Variants in CREBRF observed in about 807,000 individuals in gnomAD.
CREBRF encodes the protein UPF0474 protein C5orf41.
CREBRF carries 5 observed loss-of-function variants against 66.1 expected under a neutral mutation model. The observed-to-expected ratio is 0.08, with a 90% CI of 0.04 to 0.16. The LOEUF is 0.16. Among genes scored for constraint, CREBRF ranks in the 10% least tolerant of loss-of-function variants. CREBRF has a pLI of 1.00. For synonymous variants in CREBRF, 229 were observed against 264.4 expected (o/e 0.87, Z 1.30); for missense variants, 531 against 744.9 (o/e 0.71, Z 3.34).
intron 8 of CREBRF, among the ~76,000 whole-genome samples, chr5:173,129,012 C>T (rs145002936): frequency 0.061 from 9,312 of 151,422 alleles, 337 homozygotes; most frequent in Middle Eastern, 0.17. Context: ...GATCTCCTGA[C>T]CTCGTGATCC....
chr5:173,110,387 T>TAAGACTTCTGAAACATGCC, intron 5 of CREBRF, 135 bp from the exon 6 acceptor site: 1 of 739,038 alleles, frequency 1.4e-6, no homozygotes, highest in Non-Finnish European at 2.5e-6. Flanking sequence ...TTAAACATGC[T>TAAGACTTCTGAAACATGCC]AAGACTTCTG....
chr5:173,069,408 C>T (rs1757535767), intron 1 of CREBRF, among the ~76,000 whole-genome samples: 1 of 151,942 alleles, frequency 6.6e-6, no homozygotes, highest in Non-Finnish European at 1.5e-5. Flanking sequence ...GCCGCAATCT[C>T]TACCTCCCGG....
At chr5:173,081,642 G>A (rs1290843915) in intron 2 of CREBRF, among the ~76,000 whole-genome samples, 2 of 152,178 alleles carry the variant, frequency 1.3e-5, no homozygotes, top group African/African-American at 4.8e-5. Flanking sequence ...CCAGCGGCCG[G>A]CTAGGCACAG....
intron 1 of CREBRF, among the ~76,000 whole-genome samples, chr5:173,076,777 T>G (rs545219267): frequency 2.1e-4 from 31 of 150,374 alleles, no homozygotes; most frequent in Non-Finnish European, 4.1e-4. Context: ...AAGAGAGTGT[T>G]TAGAACAGTT....
intron 4 of CREBRF, among the ~76,000 whole-genome samples, chr5:173,100,134 T>TAA (rs1581687184): frequency 8.6e-6 from 1 of 116,404 alleles, no homozygotes; most frequent in Admixed American, 8.6e-5. Flanking sequence ...ATATATAATT[T>TAA]TTTTTTTTTT....
intron 1 of CREBRF, among the ~76,000 whole-genome samples, chr5:173,059,307 C>T (rs1292116022): frequency 2.9e-5 from 4 of 138,994 alleles, no homozygotes; most frequent in Non-Finnish European, 6.1e-5. Context: ...CCTTGTCGCC[C>T]AGGCTGGAGT....
chr5:173,126,886 GA>G (rs1045123500), intron 8 of CREBRF, among the ~76,000 whole-genome samples: 1 of 152,114 alleles, frequency 6.6e-6, no homozygotes, highest in Non-Finnish European at 1.5e-5. Flanking sequence ...GGGAAATGAA[GA>G]TTAAAAATCT....
intron 1 of CREBRF, among the ~76,000 whole-genome samples, chr5:173,076,212 A>G (rs1431311542): frequency 2.6e-5 from 4 of 152,280 alleles, no homozygotes; most frequent in Non-Finnish European, 5.9e-5. Context: ...CGTGAGACAG[A>G]GGAAGTTGAG....
rs1184196735 is a variant in CREBRF, at chr5:173,135,704, G to A, written c.*1959G>A. On this transcript the variant is annotated 3_prime_UTR_variant, in exon 9 of 9. Transcript: ENST00000296953. ...TTTGTTACCCCATTTGTAAGCTATA[G>A]CATATGAAGCTATATATATAGCTTG... 6.6e-6 allele frequency: 1 copy of A among 152,062 alleles called. No individual in the cohort carries two copies. Among genetic ancestry groups the A allele is most frequent in the Non-Finnish European group, 1.5e-5 (1 of 67,898 alleles). The allele number at this position is 152,062 out of a possible 1,614,324, so 9.4% of individuals were successfully genotyped here.
intron 4 of CREBRF, among the ~76,000 whole-genome samples, chr5:173,102,071 G>T (rs568179145): frequency 1.3e-5 from 2 of 152,188 alleles, no homozygotes; most frequent in African/African-American, 2.4e-5. Flanking sequence ...CAAGTCTTCT[G>T]TTGAATTGCC....
chr5:173,064,359 G>C (rs1335595840), intron 1 of CREBRF, among the ~76,000 whole-genome samples: 1 of 152,044 alleles, frequency 6.6e-6, no homozygotes, highest in Admixed American at 6.5e-5. Context: ...CTAGTGGTAT[G>C]GTATAAATGA....
rs761194747 is a variant in CREBRF, at chr5:173,112,366, C to T, written c.1668C>T (p.Leu556=). ...CTAATAAAGTGAAATTATGGGGCCT[C>T]AACACAGAATATGGTAAACCTAAAG... ...YEANKVKLWG[L]NTEYDNLLFV... Residue 556 remains leucine (L), a synonymous_variant, in exon 7 of 9, where the codon CTC becomes CTT. Transcript: ENST00000296953. 1 of 1,596,366 alleles carries T rather than the reference C, an allele frequency of 6.3e-7. No homozygotes were observed. Among genetic ancestry groups the T allele is most frequent in the Non-Finnish European group, 8.6e-7 (1 of 1,169,522 alleles).
At chr5:173,106,290 C>T (rs907606894) in intron 4 of CREBRF, among the ~76,000 whole-genome samples, 3 of 151,864 alleles carry the variant, frequency 2.0e-5, no homozygotes, top group Non-Finnish European at 4.4e-5. Flanking sequence ...ATTAGCCAGG[C>T]GTGGTGGTGG....
chr5:173,071,215 T>C (rs1215056129), intron 1 of CREBRF, among the ~76,000 whole-genome samples: 1 of 151,840 alleles, frequency 6.6e-6, no homozygotes, highest in Non-Finnish European at 1.5e-5. Flanking sequence ...ATGAGTATTT[T>C]TGTTTGTTTG....
intron 1 of CREBRF, among the ~76,000 whole-genome samples, chr5:173,060,800 C>A (rs1282772508): frequency 1.3e-5 from 2 of 151,390 alleles, no homozygotes; most frequent in Non-Finnish European, 2.9e-5. Flanking sequence ...GCCACAACTA[C>A]TCAACTTTGA....
chr5:173,117,517 T>C (rs186338580), intron 7 of CREBRF, among the ~76,000 whole-genome samples: 95 of 54,278 alleles, frequency 1.8e-3, no homozygotes, highest in South Asian at 7.9e-3. Flanking sequence ...TGCCTTCCCT[T>C]CCCTCCCCTC....
In CREBRF at chr5:173,060,100, GTGT is replaced by G. The variant is rs769449331; in HGVS notation, c.-192+3624_-192+3626del. ...TGACAGTGAAGTACAGTAAGTTTGTGTGTTGATTCTGTTAATATAACTCAGTTT... is the reference window on the plus strand; with the variant it reads ...TGACAGTGAAGTACAGTAAGTTTGTGTGATTCTGTTAATATAACTCAGTTT... On this transcript the variant is annotated intron_variant, in intron 1 of 8. Transcript: ENST00000296953. Among the ~76,000 whole-genome samples the G allele has an allele frequency of 3.9e-5, 6 of 152,152 alleles. No homozygotes were observed. The East Asian group carries it at 7.7e-4, about 20-fold the overall frequency.
At chr5:173,080,134 T>G (rs947693736) in intron 1 of CREBRF, among the ~76,000 whole-genome samples, 2 of 152,274 alleles carry the variant, frequency 1.3e-5, no homozygotes, top group Admixed American at 6.5e-5. Flanking sequence ...CTGACTATTA[T>G]GTATTCATTA....
chr5:173,115,017 A>G (rs1347944548), intron 7 of CREBRF, among the ~76,000 whole-genome samples: 1 of 152,066 alleles, frequency 6.6e-6, no homozygotes, highest in African/African-American at 2.4e-5. Flanking sequence ...CTGCCCCGTA[A>G]TGTGTTTGGA....
Sources: gnomAD v4.1 joint callset for allele counts (sites outside exome capture counted in the v4.1 genomes callset) on GRCh38, gnomAD v4.1.1 for gene constraint, MANE v1.5 for transcripts, NCBI Gene and HGNC (gene_info 2026-07-23, HGNC 2026-07-21) for gene names.